OR56A3: variants seen among roughly 807,000 people sequenced by gnomAD.
The protein encoded by OR56A3 is olfactory receptor family 56 subfamily A member 3.
Under a neutral mutation model 17.5 loss-of-function variants are expected in OR56A3, and 23 were observed. The observed-to-expected ratio is 1.32, with a 90% CI of 0.95 to 1.87. The LOEUF is 1.87. Ranked by LOEUF, OR56A3 falls within the 40% of genes most tolerant of loss-of-function variation. The pLI is 0.00. For missense variants in OR56A3, 366 were observed against 380.1 expected (o/e 0.96, Z 0.31); for synonymous variants, 175 against 150.6 (o/e 1.16, Z -1.19).
At chr11:5,951,696 GC>G (rs1395942770), downstream of OR56A3, among the ~76,000 whole-genome samples, 5 of 152,112 alleles carry the variant, frequency 3.3e-5, no homozygotes. Flanking sequence ...ACAGAGGATG[GC>G]AGTGGCCCTT....
chr11:6,014,257 T>C, the OR56A3 span, among the ~76,000 whole-genome samples: 10 of 152,212 alleles, frequency 6.6e-5, no homozygotes, highest in African/African-American at 2.4e-4. Flanking sequence ...TTTGGATCTG[T>C]GTCCCCACCC....
At chr11:5,987,134 G>C in the OR56A3 span, 229 of 602,408 alleles carry the variant, frequency 3.8e-4, no homozygotes, top group African/African-American at 3.9e-3. Flanking sequence ...AGAGATAAGA[G>C]TAAACATAAG....
the OR56A3 span, among the ~76,000 whole-genome samples, chr11:5,966,004 T>A: frequency 1.4e-4 from 21 of 152,004 alleles, no homozygotes; most frequent in African/African-American, 3.9e-4. Context: ...TTGATTAGGA[T>A]CAGTCTTTGA....
At chr11:6,011,221 TACACAC>T in the OR56A3 span, among the ~76,000 whole-genome samples, 1 of 149,158 alleles carries the variant, frequency 6.7e-6, no homozygotes, top group African/African-American at 2.4e-5. Flanking sequence ...TATATATATA[TACACAC>T]ATATATTTTA....
the OR56A3 span, among the ~76,000 whole-genome samples, chr11:5,961,020 C>T: frequency 1.7e-4 from 25 of 150,700 alleles, no homozygotes; most frequent in African/African-American, 4.6e-4. Flanking sequence ...GGAGCCCCTC[C>T]GCCCGGCAGC....
At chr11:6,019,443 G>T in the OR56A3 span, 8 of 152,276 alleles carry the variant, frequency 5.3e-5, no homozygotes, top group Non-Finnish European at 1.0e-4. Context: ...ATCTGAAACT[G>T]GGCAATTTAC....
At chr11:5,962,408 C>G in the OR56A3 span, among the ~76,000 whole-genome samples, 1 of 152,184 alleles carries the variant, frequency 6.6e-6, no homozygotes, top group Admixed American at 6.5e-5. Flanking sequence ...TGACCTCTTA[C>G]AATGAATTTT....
At chr11:5,997,926 T>G in the OR56A3 span, among the ~76,000 whole-genome samples, 6 of 152,166 alleles carry the variant, frequency 3.9e-5, no homozygotes, top group Admixed American at 3.9e-4. Flanking sequence ...TTATTAATGA[T>G]AAGAGCATGA....
At chr11:5,994,812 C>G in the OR56A3 span, 6 of 754,852 alleles carry the variant, frequency 7.9e-6, no homozygotes, top group East Asian at 1.5e-4. Flanking sequence ...CCCTTCCTCT[C>G]CAGGTGCTCC....
At chr11:5,991,319 C>T in the OR56A3 span, among the ~76,000 whole-genome samples, 2 of 152,172 alleles carry the variant, frequency 1.3e-5, no homozygotes, top group Non-Finnish European at 2.9e-5. Context: ...TGTCCACAGG[C>T]TCACAGGTTA....
At chr11:5,997,360 C>A in the OR56A3 span, among the ~76,000 whole-genome samples, 1 of 152,206 alleles carries the variant, frequency 6.6e-6, no homozygotes, top group Non-Finnish European at 1.5e-5. Context: ...AGTTCCAAAG[C>A]AGACCTAGCA....
the OR56A3 span, among the ~76,000 whole-genome samples, chr11:5,976,067 A>C: frequency 6.6e-6 from 1 of 152,056 alleles, no homozygotes; most frequent in Non-Finnish European, 1.5e-5. Flanking sequence ...TAAAGGGGGC[A>C]GTTCCAGAAA....
At chr11:5,967,820 C>T in the OR56A3 span, 4 of 1,567,132 alleles carry the variant, frequency 2.6e-6, no homozygotes, top group Non-Finnish European at 3.5e-6. Context: ...GCACAGTTTT[C>T]AAGATAAAAA....
At chr11:5,986,453 C>G in the OR56A3 span, 3 of 1,613,986 alleles carry the variant, frequency 1.9e-6, no homozygotes, top group South Asian at 2.2e-5. Context: ...CCGATGCGCC[C>G]TATGACCCCT....
chr11:5,960,369 C>G, the OR56A3 span, among the ~76,000 whole-genome samples: 1 of 152,164 alleles, frequency 6.6e-6, no homozygotes, highest in Non-Finnish European at 1.5e-5. Flanking sequence ...GCCTGATTCT[C>G]CTGCCTCAGC....
rs558962535 is a variant in OR56A3, at chr11:5,948,434, C to T, written c.*140C>T. 23 of 601,284 alleles carry T rather than the reference C, an allele frequency of 3.8e-5. No individual in the cohort carries two copies. Among genetic ancestry groups the T allele is most frequent in the South Asian group, 3.1e-4 (12 of 38,618 alleles). 37.2% of individuals were successfully genotyped at this position (601,284 alleles called of 1,614,324 possible). On this transcript the variant is annotated 3_prime_UTR_variant, in exon 3 of 3. Coordinates refer to ENST00000641160, the MANE Select transcript of OR56A3 (RefSeq NM_001003443.3). ...TATTGTGTGTGCTTTTCAAAAACAT[C>T]GGTTTTAATTTAAGTCTATCTTCCT...
the OR56A3 span, among the ~76,000 whole-genome samples, chr11:5,969,375 C>G: frequency 4.6e-5 from 7 of 151,736 alleles, no homozygotes; most frequent in Admixed American, 1.3e-4. Context: ...GATAACCTCT[C>G]TAACTGCTTC....
chr11:5,953,272 G>A (rs1044138923), downstream of OR56A3, among the ~76,000 whole-genome samples: 1 of 152,122 alleles, frequency 6.6e-6, no homozygotes, highest in Admixed American at 6.6e-5. Context: ...CCCACCAACA[G>A]CTTATATGCA....
the OR56A3 span, chr11:5,986,908 G>T: frequency 6.2e-7 from 1 of 1,610,788 alleles, no homozygotes; most frequent in East Asian, 2.2e-5. Context: ...GGAGAGGAAA[G>T]AGAAAAAAGA....
Sources: gnomAD v4.1 joint callset for allele counts (sites outside exome capture counted in the v4.1 genomes callset) on GRCh38, gnomAD v4.1.1 for gene constraint, MANE v1.5 for transcripts, NCBI Gene and HGNC (gene_info 2026-07-23, HGNC 2026-07-21) for gene names.